Variants in SYT16 observed in about 807,000 individuals in gnomAD.
SYT16 encodes the protein synaptotagmin 16.
A neutral mutation model predicts 61.4 loss-of-function variants in SYT16; 42 were observed. That is an observed-to-expected ratio of 0.68 (90% confidence interval 0.53 to 0.89). The LOEUF is 0.89. Among genes scored for constraint, SYT16 ranks in the 40% least tolerant of loss-of-function variants. SYT16 has a pLI of 0.00. For synonymous variants in SYT16, 314 were observed against 302.3 expected (o/e 1.04, Z -0.40); for missense variants, 804 against 807.3 (o/e 1.00, Z 0.05).
intron 3 of SYT16, among the ~76,000 whole-genome samples, chr14:62,010,739 G>A (rs1433257546): frequency 6.6e-6 from 1 of 151,842 alleles, no homozygotes; most frequent in Non-Finnish European, 1.5e-5. Context: ...TTTGCGGGGA[G>A]GTGGGGGTGA....
Position 61,917,593 on chromosome 14 carries a change from T to C in SYT16, c.-324-52539T>C, listed in dbSNP as rs1028934283. Among the ~76,000 whole-genome samples the C allele has an allele frequency of 2.6e-5, 4 of 152,174 alleles. No homozygotes were observed. In the East Asian group the frequency reaches 7.7e-4, roughly 29 times the overall value. ...TCAGGAGGTCAAGGAGGGCAGCTTC[T>C]TGATATTGTTTGAGTTTCTGGATTT... On this transcript the variant is annotated intron_variant, in intron 1 of 7. Coordinates refer to ENST00000683842, the MANE Select transcript of SYT16 (RefSeq NM_001367656.1).
intron 5 of SYT16, 36 bp from the exon 6 acceptor site, chr14:62,080,798 A>G (rs1310557478): frequency 3.9e-6 from 6 of 1,551,956 alleles, no homozygotes; most frequent in Non-Finnish European, 5.2e-6. Flanking sequence ...GGGTATCATC[A>G]TTTCCATTTC....
At chr14:61,996,629 G>A in intron 3 of SYT16, 87 bp downstream of exon 3, 2 of 1,475,390 alleles carry the variant, frequency 1.4e-6, no homozygotes, top group Non-Finnish European at 1.8e-6. Flanking sequence ...GTTATCATGT[G>A]GATTTTATTT....
intron 1 of SYT16, among the ~76,000 whole-genome samples, chr14:61,851,270 A>G (rs1421234681): frequency 6.6e-6 from 1 of 152,220 alleles, no homozygotes; most frequent in African/African-American, 2.4e-5. Flanking sequence ...ATAGTATTCC[A>G]TGGTGTATAT....
At position 62,063,523 on chromosome 14, in the gene SYT16, G is replaced by T. The variant is rs532294600; in HGVS notation, c.524-6080G>T. 5.9e-5 allele frequency among the ~76,000 whole-genome samples: 9 copies of T among 152,238 alleles called. No homozygotes were observed. In the South Asian group the frequency reaches 1.9e-3, roughly 32 times the overall value. ...ATTAAAGGAACTTGCTTAGGTCCCA[G>T]ACTCGCAAATATAATATCCCAGTTT... On this transcript the variant is annotated intron_variant, in intron 3 of 7. Coordinates refer to ENST00000683842, the MANE Select transcript of SYT16 (RefSeq NM_001367656.1).
At chr14:61,986,706 A>G (rs887404013) in intron 2 of SYT16, among the ~76,000 whole-genome samples, 8 of 152,124 alleles carry the variant, frequency 5.3e-5, no homozygotes, top group African/African-American at 1.9e-4. Flanking sequence ...GGGAAAAGTT[A>G]TTGAGGCCCT....
intron 1 of SYT16, among the ~76,000 whole-genome samples, chr14:61,845,908 A>G (rs1022945228): frequency 6.6e-6 from 1 of 152,138 alleles, no homozygotes; most frequent in Non-Finnish European, 1.5e-5. Flanking sequence ...AAAATTTTCA[A>G]TTTCCTTCTT....
At chr14:62,013,152 G>T (rs1402143712) in intron 3 of SYT16, among the ~76,000 whole-genome samples, 1 of 152,180 alleles carries the variant, frequency 6.6e-6, no homozygotes, top group Admixed American at 6.5e-5. Context: ...GGTATATCCA[G>T]AGTGGTGGTA....
intron 1 of SYT16, among the ~76,000 whole-genome samples, chr14:61,924,087 T>C (rs2049442469): frequency 6.6e-6 from 1 of 152,316 alleles, no homozygotes; most frequent in African/African-American, 2.4e-5. Context: ...TATTTTGACA[T>C]TAAAGTTGAA....
At chr14:62,078,172 A>AAAC (rs1555382591) in intron 5 of SYT16, among the ~76,000 whole-genome samples, 3 of 128,852 alleles carry the variant, frequency 2.3e-5, no homozygotes, top group African/African-American at 9.4e-5. Context: ...TATATATATA[A>AAAC]ACACACACAC....
intron 1 of SYT16, among the ~76,000 whole-genome samples, chr14:61,814,230 C>T (rs2045356418): frequency 6.6e-6 from 1 of 152,114 alleles, no homozygotes; most frequent in Non-Finnish European, 1.5e-5. Flanking sequence ...GCCAAATTTC[C>T]CTTTCCTCAG....
intron 7 of SYT16, among the ~76,000 whole-genome samples, chr14:62,091,300 A>G (rs575153243): frequency 6.6e-6 from 1 of 152,328 alleles, no homozygotes; most frequent in African/African-American, 2.4e-5. Flanking sequence ...ACAAAGTTTG[A>G]CAGAGTTTTT....
At chr14:62,063,297 G>C (rs2055910093) in intron 3 of SYT16, among the ~76,000 whole-genome samples, 1 of 152,180 alleles carries the variant, frequency 6.6e-6, no homozygotes, top group African/African-American at 2.4e-5. Flanking sequence ...CCAAGCTGGA[G>C]AAAAGGATTT....
At chr14:62,097,670 GATT>G (rs1425017784) in intron 7 of SYT16, among the ~76,000 whole-genome samples, 3 of 152,142 alleles carry the variant, frequency 2.0e-5, no homozygotes, top group African/African-American at 7.2e-5. Context: ...TTGCTTTTAA[GATT>G]ATTATTATTT....
chr14:61,873,150 A>G (rs1319618626), intron 1 of SYT16, among the ~76,000 whole-genome samples: 2 of 152,238 alleles, frequency 1.3e-5, no homozygotes, highest in African/African-American at 2.4e-5. Context: ...AGGACCCATG[A>G]GTTATAAAAA....
At chr14:61,987,114 G>A (rs1397989324) in intron 2 of SYT16, among the ~76,000 whole-genome samples, 1 of 152,134 alleles carries the variant, frequency 6.6e-6, no homozygotes, top group African/African-American at 2.4e-5. Context: ...GATTATGGCG[G>A]GGGGAAAACA....
chr14:61,887,319 A>G (rs2047948133), intron 1 of SYT16, among the ~76,000 whole-genome samples: 1 of 152,186 alleles, frequency 6.6e-6, no homozygotes, highest in Admixed American at 6.5e-5. Context: ...TTTTATTTCT[A>G]GAGCACAGGC....
At chr14:62,062,298 A>AC (rs1555378634) in intron 3 of SYT16, among the ~76,000 whole-genome samples, 2 of 152,014 alleles carry the variant, frequency 1.3e-5, no homozygotes, top group Non-Finnish European at 2.9e-5. Flanking sequence ...TCTCTATTTG[A>AC]GGGGGGGATG....
At chr14:61,822,208 A>G (rs938425452) in intron 1 of SYT16, among the ~76,000 whole-genome samples, 3 of 152,222 alleles carry the variant, frequency 2.0e-5, no homozygotes, top group African/African-American at 4.8e-5. Context: ...TACAAGTCCA[A>G]CAATCCAAAA....
Sources: allele counts gnomAD v4.1 joint callset (sites outside exome capture counted in the v4.1 genomes callset), GRCh38; gene constraint gnomAD v4.1.1; transcripts MANE v1.5; gene names NCBI Gene and HGNC (gene_info 2026-07-23, HGNC 2026-07-21).